Variants in CADM2 observed in about 807,000 individuals in gnomAD.
The protein encoded by CADM2 is immunoglobulin superfamily member 4D.
In CADM2, 12 loss-of-function variants were observed where a neutral mutation model predicts 49.8. That is an observed-to-expected ratio of 0.24 (90% CI 0.15 to 0.39). The LOEUF (loss-of-function observed/expected upper bound fraction) is 0.39. Ranked by LOEUF, CADM2 falls within the 10% of genes least tolerant of loss-of-function variation. The pLI is 1.00. For synonymous variants in CADM2, 214 were observed against 175.4 expected (o/e 1.22, Z -1.74); for missense variants, 378 against 492.3 (o/e 0.77, Z 2.20).
At chr3:85,122,233 A>G (rs745621101) in intron 1 of CADM2, among the ~76,000 whole-genome samples, 4 of 152,162 alleles carry the variant, frequency 2.6e-5, no homozygotes, top group Non-Finnish European at 5.9e-5. Flanking sequence ...CTCAGTTTTA[A>G]TTGATTCACC....
intron 2 of CADM2, among the ~76,000 whole-genome samples, chr3:85,757,480 A>G (rs2069175773): frequency 6.6e-6 from 1 of 152,122 alleles, no homozygotes; most frequent in South Asian, 2.1e-4. Context: ...TGGATAATTT[A>G]GAGTGTGATA....
chr3:85,803,532 G>T (rs992347536), intron 3 of CADM2, among the ~76,000 whole-genome samples: 1 of 151,506 alleles, frequency 6.6e-6, no homozygotes, highest in Non-Finnish European at 1.5e-5. Flanking sequence ...TAGATAGATA[G>T]ATCAATTGAT....
intron 8 of CADM2, among the ~76,000 whole-genome samples, chr3:86,036,024 G>A (rs1735111271): frequency 6.6e-6 from 1 of 152,004 alleles, no homozygotes; most frequent in Admixed American, 6.6e-5. Flanking sequence ...ATGGATGATC[G>A]ACCTTCATGA....
chr3:85,276,181 A>G (rs1231393897), intron 1 of CADM2, among the ~76,000 whole-genome samples: 2 of 151,336 alleles, frequency 1.3e-5, no homozygotes, highest in African/African-American at 2.4e-5. Flanking sequence ...TAATACACAC[A>G]AAGATACACA....
intron 1 of CADM2, among the ~76,000 whole-genome samples, chr3:84,983,038 C>T (rs891766925): frequency 1.8e-4 from 28 of 151,820 alleles, no homozygotes; most frequent in Admixed American, 3.3e-4. Flanking sequence ...TGAGCCACTG[C>T]GCCCGGCCAA....
chr3:85,491,931 G>A (rs568581812), intron 1 of CADM2, among the ~76,000 whole-genome samples: 65 of 144,070 alleles, frequency 4.5e-4, no homozygotes, highest in Admixed American at 1.2e-3. Context: ...CAGCCTGGGC[G>A]AGAGTGAGAC....
At chr3:85,630,312 A>T (rs2064268679) in intron 1 of CADM2, among the ~76,000 whole-genome samples, 1 of 151,900 alleles carries the variant, frequency 6.6e-6, no homozygotes, top group Non-Finnish European at 1.5e-5. Context: ...GACAATCTTT[A>T]ATCATGTATC....
intron 1 of CADM2, among the ~76,000 whole-genome samples, chr3:85,649,263 G>C (rs1475273899): frequency 1.3e-5 from 2 of 152,012 alleles, no homozygotes; most frequent in Non-Finnish European, 2.9e-5. Context: ...TGTTTCTTAA[G>C]AGTTTATTTT....
intron 1 of CADM2, among the ~76,000 whole-genome samples, chr3:84,973,426 A>C (rs2031603880): frequency 6.6e-6 from 1 of 152,044 alleles, no homozygotes; most frequent in South Asian, 2.1e-4. Flanking sequence ...TCTCAGTATG[A>C]TGCCAGTTTC....
At chr3:85,714,461 C>G (rs537175070) in intron 1 of CADM2, among the ~76,000 whole-genome samples, 1 of 152,240 alleles carries the variant, frequency 6.6e-6, no homozygotes, top group East Asian at 1.9e-4. Context: ...GAGTCTCACT[C>G]TGTCACCCAG....
intron 1 of CADM2, among the ~76,000 whole-genome samples, chr3:84,988,617 G>A (rs56152547): frequency 0.047 from 7,121 of 152,028 alleles, 559 homozygotes; most frequent in African/African-American, 0.16. Flanking sequence ...ACCCTCATTG[G>A]CCACCTCCTT....
intron 1 of CADM2, among the ~76,000 whole-genome samples, chr3:85,704,794 A>G (rs558761228): frequency 1.1e-4 from 16 of 152,014 alleles, no homozygotes; most frequent in South Asian, 8.3e-4. Flanking sequence ...TAAAAAATCA[A>G]TCTCCTCCAG....
At chr3:85,714,806 A>G (rs1420970232) in intron 1 of CADM2, among the ~76,000 whole-genome samples, 1 of 152,068 alleles carries the variant, frequency 6.6e-6, no homozygotes, top group Admixed American at 6.6e-5. Context: ...AGATGATGCT[A>G]TAAACCCTTG....
At chr3:85,359,666 A>ATATATATATATATATTTTTT in intron 1 of CADM2, among the ~76,000 whole-genome samples, 53 of 26,514 alleles carry the variant, frequency 2.0e-3, no homozygotes, top group Non-Finnish European at 3.4e-3. Context: ...ATATATATAT[A>ATATATATATATATATTTTTT]TTTTTTTTTT....
At chr3:85,716,878 G>T (rs1405360920) in intron 1 of CADM2, among the ~76,000 whole-genome samples, 1 of 152,060 alleles carries the variant, frequency 6.6e-6, no homozygotes, top group Non-Finnish European at 1.5e-5. Context: ...TGCCAGAACC[G>T]TGCTGTTTTG....
chr3:85,011,295 C>A (rs1485361660), intron 1 of CADM2, among the ~76,000 whole-genome samples: 1 of 152,052 alleles, frequency 6.6e-6, no homozygotes, highest in African/African-American at 2.4e-5. Context: ...TTGTTCCCTG[C>A]ACATTTAGCA....
chr3:85,334,635 A>T (rs1020419353), intron 1 of CADM2, among the ~76,000 whole-genome samples: 1 of 151,548 alleles, frequency 6.6e-6, no homozygotes, highest in South Asian at 2.1e-4. Flanking sequence ...ACTTAGCTAA[A>T]TTTTGTGATC....
intron 1 of CADM2, among the ~76,000 whole-genome samples, chr3:85,680,317 T>A (rs749425924): frequency 1.9e-4 from 29 of 152,148 alleles, no homozygotes; most frequent in Non-Finnish European, 3.7e-4. Context: ...ATCGGTGGAA[T>A]TTTGACTAAG....
intron 1 of CADM2, among the ~76,000 whole-genome samples, chr3:84,962,602 G>A (rs2030643961): frequency 6.6e-6 from 1 of 152,260 alleles, no homozygotes; most frequent in East Asian, 1.9e-4. Context: ...AAAGGGTGGC[G>A]GGGGAACTAG....
Sources: gnomAD v4.1 joint callset for allele counts (sites outside exome capture counted in the v4.1 genomes callset) on GRCh38, gnomAD v4.1.1 for gene constraint, MANE v1.5 for transcripts, NCBI Gene and HGNC (gene_info 2026-07-23, HGNC 2026-07-21) for gene names.